UNC13C: variants seen among roughly 807,000 people sequenced by gnomAD.
The protein encoded by UNC13C is unc-13 homolog C, also known as protein unc-13 homolog C.
UNC13C carries 174 observed loss-of-function variants against 245.4 expected under a neutral mutation model. The ratio of observed to expected loss-of-function variants is 0.71; its 90% CI spans 0.63 to 0.80. The LOEUF (loss-of-function observed/expected upper bound fraction) is 0.80, where lower values mean the gene tolerates loss of function less well. Ranked by LOEUF, UNC13C falls within the 30% of genes least tolerant of loss-of-function variation. The pLI is 0.00. For synonymous variants in UNC13C, 992 were observed against 895.1 expected, an observed-to-expected ratio of 1.11 and a Z score of -1.93; for missense variants, 2,829 against 2,602.9, an observed-to-expected ratio of 1.09 and a Z score of -1.89.
chr15:54,315,237 T>C (rs985610173), intron 13 of UNC13C, among the ~76,000 whole-genome samples: 8 of 151,874 alleles, frequency 5.3e-5, no homozygotes, highest in African/African-American at 1.9e-4. Flanking sequence ...TTTACCTTGG[T>C]CATCCCCTGG....
chr15:54,107,941 G>C (rs1310214498), intron 2 of UNC13C, among the ~76,000 whole-genome samples: 2 of 152,116 alleles, frequency 1.3e-5, no homozygotes, highest in Non-Finnish European at 2.9e-5. Flanking sequence ...TATTCTAAAA[G>C]TTATTGAAAA....
At chr15:54,242,740 A>G (rs74013527) in intron 7 of UNC13C, among the ~76,000 whole-genome samples, 3,893 of 152,314 alleles carry the variant, frequency 0.026, 165 homozygotes, top group African/African-American at 0.089. Flanking sequence ...TATTTACAAC[A>G]TAAGTGAATA....
At chr15:53,840,455 A>G in the UNC13C span, among the ~76,000 whole-genome samples, 2 of 152,052 alleles carry the variant, frequency 1.3e-5, no homozygotes, top group Non-Finnish European at 2.9e-5. Flanking sequence ...GCAAAACTAG[A>G]GTCATAATAG....
intron 20 of UNC13C, among the ~76,000 whole-genome samples, chr15:54,499,864 C>G (rs781753961): frequency 6.6e-6 from 1 of 151,868 alleles, no homozygotes; most frequent in African/African-American, 2.4e-5. Flanking sequence ...AGGCAGCATG[C>G]GAAGAACCAA....
intron 30 of UNC13C, among the ~76,000 whole-genome samples, chr15:54,580,986 T>C (rs1898175587): frequency 1.3e-5 from 2 of 152,228 alleles, no homozygotes; most frequent in Non-Finnish European, 2.9e-5. Flanking sequence ...AGCACTGTGC[T>C]AGGTATGTGA....
At chr15:54,067,204 C>A (rs1313028384) in intron 2 of UNC13C, among the ~76,000 whole-genome samples, 1 of 152,062 alleles carries the variant, frequency 6.6e-6, no homozygotes, top group Non-Finnish European at 1.5e-5. Flanking sequence ...ATTACACTTA[C>A]CTCAAGGAAA....
intron 4 of UNC13C, among the ~76,000 whole-genome samples, chr15:54,186,801 A>G (rs942740295): frequency 6.7e-6 from 1 of 149,666 alleles, no homozygotes; most frequent in Non-Finnish European, 1.5e-5. Context: ...CTTAATTACC[A>G]CATTATCATG....
the UNC13C span, among the ~76,000 whole-genome samples, chr15:53,927,035 A>G: frequency 0.029 from 4,375 of 152,322 alleles, 229 homozygotes; most frequent in African/African-American, 0.1. Context: ...CCACTTATAC[A>G]GTATTGTACT....
chr15:54,529,154 GGT>G (rs1482927050), intron 25 of UNC13C, among the ~76,000 whole-genome samples: 1 of 152,136 alleles, frequency 6.6e-6, no homozygotes, highest in African/African-American at 2.4e-5. Flanking sequence ...GGGCAAGAAT[GGT>G]GTTGTCAACA....
chr15:54,544,854 T>C (rs1330620331), intron 26 of UNC13C, among the ~76,000 whole-genome samples: 1 of 152,194 alleles, frequency 6.6e-6, no homozygotes, highest in African/African-American at 2.4e-5. Flanking sequence ...ATCAATATTG[T>C]GAAAATGGCC....
intron 7 of UNC13C, among the ~76,000 whole-genome samples, chr15:54,242,900 C>G (rs1412234396): frequency 6.6e-6 from 1 of 152,180 alleles, no homozygotes; most frequent in Non-Finnish European, 1.5e-5. Context: ...AGGACAGTTA[C>G]ATGGGATCTA....
chr15:54,316,341 T>G (rs1056404443), intron 13 of UNC13C, among the ~76,000 whole-genome samples: 2 of 151,884 alleles, frequency 1.3e-5, no homozygotes, highest in Non-Finnish European at 2.9e-5. Flanking sequence ...CATAGTGCCT[T>G]GATTTGTACT....
intron 2 of UNC13C, among the ~76,000 whole-genome samples, chr15:54,111,391 G>C (rs1900762889): frequency 1.3e-5 from 2 of 152,104 alleles, no homozygotes; most frequent in South Asian, 4.1e-4. Context: ...CTTTTTTAGA[G>C]AGAAACTATT....
At chr15:54,140,191 C>A (rs547553782) in intron 2 of UNC13C, among the ~76,000 whole-genome samples, 1 of 152,194 alleles carries the variant, frequency 6.6e-6, no homozygotes, top group African/African-American at 2.4e-5. Context: ...CAAGTTACAG[C>A]AATCTGCCAT....
At chr15:54,602,428 C>T (rs1378770255) in intron 30 of UNC13C, among the ~76,000 whole-genome samples, 4 of 152,096 alleles carry the variant, frequency 2.6e-5, no homozygotes, top group Admixed American at 6.5e-5. Context: ...GAGAAACAGC[C>T]TTTCAGTGGC....
intron 29 of UNC13C, among the ~76,000 whole-genome samples, chr15:54,557,313 A>G (rs903865714): frequency 1.3e-4 from 20 of 151,804 alleles, no homozygotes; most frequent in African/African-American, 4.4e-4. Context: ...CCTCCATGCT[A>G]GGCCTGCTGT....
intron 29 of UNC13C, among the ~76,000 whole-genome samples, chr15:54,558,624 T>G (rs530787522): frequency 2.0e-5 from 3 of 152,188 alleles, no homozygotes; most frequent in African/African-American, 7.2e-5. Flanking sequence ...GGACTGGAAC[T>G]ATTTTATAAC....
At chr15:54,143,747 A>G in intron 4 of UNC13C, 63 bp downstream of exon 4, 1 of 1,289,536 alleles carries the variant, frequency 7.8e-7, no homozygotes, top group Admixed American at 1.8e-5. Flanking sequence ...TGTGTTCTCA[A>G]CATATATGCT....
At chr15:53,901,142 T>C in the UNC13C span, among the ~76,000 whole-genome samples, 1 of 151,876 alleles carries the variant, frequency 6.6e-6, no homozygotes, top group Non-Finnish European at 1.5e-5. Flanking sequence ...AGTCATGGGT[T>C]TATTTTTTAT....
Sources: allele counts gnomAD v4.1 joint callset (sites outside exome capture counted in the v4.1 genomes callset), GRCh38; gene constraint gnomAD v4.1.1; transcripts MANE v1.5; gene names NCBI Gene and HGNC (gene_info 2026-07-23, HGNC 2026-07-21).